ITGB2: variants seen among roughly 807,000 people sequenced by gnomAD.
ITGB2 encodes the protein integrin beta-2.
ITGB2 carries 56 observed loss-of-function variants against 86.8 expected under a neutral mutation model. The ratio of observed to expected loss-of-function variants is 0.65; its 90% confidence interval spans 0.52 to 0.81. The LOEUF is 0.81. Among genes scored for constraint, ITGB2 ranks in the 30% least tolerant of loss-of-function variants. The pLI is 0.00. For synonymous variants in ITGB2, 457 were observed against 450.4 expected, an observed-to-expected ratio of 1.01 and a Z score of -0.19; for missense variants, 948 against 1,061.2, an observed-to-expected ratio of 0.89 and a Z score of 1.48.
In ITGB2 at chr21:44,893,460, C is replaced by T; in HGVS notation, c.1168G>A (p.Val390Met). The stretch of plus-strand genomic sequence containing the variant: ...CCTCTGGGCTGGTTCCTGTGCGTCA[C>T]TCCATTGCTGCAGAAGGAGTCGTAG... The part of the protein sequence containing the change: ...VTYDSFCSNG[V>M]THRNQPRGDC... The change falls in exon 10 of 16, where the codon GTG becomes ATG. Residue 390 changes from valine (V) to methionine (M), a missense_variant. Coordinates refer to ENST00000652462, the MANE Select transcript of ITGB2 (RefSeq NM_000211.5). 2 of 1,614,208 alleles carry T rather than the reference C, an allele frequency of 1.2e-6. No homozygotes were observed. The highest frequency in any genetic ancestry group is 2.2e-5 in the South Asian group (2 of 91,088).
intron 6 of ITGB2, 140 bp from the exon 7 acceptor site, chr21:44,900,615 C>T (rs1795718439): frequency 3.9e-6 from 4 of 1,020,516 alleles, no homozygotes; most frequent in South Asian, 1.5e-5. Flanking sequence ...TCTCAGGGAC[C>T]CAGCTGTGTT....
At chr21:44,924,445 CAACA>C (rs1371042136), upstream of ITGB2, among the ~76,000 whole-genome samples, 3 of 151,972 alleles carry the variant, frequency 2.0e-5, no homozygotes, top group African/African-American at 7.2e-5. Context: ...ACAAAAACAA[CAACA>C]AACAAACAAG....
intron 1 of ITGB2, among the ~76,000 whole-genome samples, chr21:44,911,814 G>C (rs766186346): frequency 1.3e-5 from 2 of 152,158 alleles, no homozygotes; most frequent in Non-Finnish European, 2.9e-5. Context: ...GCACCTCCTA[G>C]CGGGCAGCAG....
At chr21:44,898,573 G>A (rs2083902021) in intron 8 of ITGB2, among the ~76,000 whole-genome samples, 2 of 152,202 alleles carry the variant, frequency 1.3e-5, no homozygotes, top group African/African-American at 2.4e-5. Context: ...CACTAGCAGC[G>A]GAAATGCAGG....
chr21:44,919,236 G>C (rs1037970148), intron 1 of ITGB2, among the ~76,000 whole-genome samples: 1 of 152,184 alleles, frequency 6.6e-6, no homozygotes, highest in African/African-American at 2.4e-5. Flanking sequence ...GGCGGGGACT[G>C]GCCCTGGGGC....
In ITGB2 at chr21:44,903,662, C is replaced by T. The variant is rs1601310787; in HGVS notation, c.329-127G>A. 7 of 1,072,978 alleles carry T rather than the reference C, an allele frequency of 6.5e-6. No individual in the cohort carries two copies. In the East Asian group the frequency reaches 1.0e-4, roughly 16 times the overall value. 66.5% of individuals were successfully genotyped at this position (1,072,978 alleles called of 1,614,324 possible). Reference sequence around the variant, plus strand: ...CCAGCCCCCAAATCCTCCTGACCTCCCCTCTCCCCGCCTGGCAGGAGAGCT... The same window carrying T: ...CCAGCCCCCAAATCCTCCTGACCTCTCCTCTCCCCGCCTGGCAGGAGAGCT... On this transcript the variant is annotated intron_variant, in intron 4 of 15. Coordinates refer to ENST00000652462, the MANE Select transcript of ITGB2 (RefSeq NM_000211.5).
intron 1 of ITGB2, among the ~76,000 whole-genome samples, chr21:44,926,626 G>A (rs994158891): frequency 1.3e-5 from 2 of 152,190 alleles, no homozygotes; most frequent in South Asian, 4.1e-4. Context: ...GGAGTCAGGT[G>A]GGCGAAACTG....
chr21:44,916,747 A>G lies in ITGB2; in HGVS notation c.-4+4074T>C, dbSNP rs139719339. On this transcript the variant is annotated intron_variant, in intron 1 of 15. Coordinates refer to ENST00000652462, the MANE Select transcript of ITGB2 (RefSeq NM_000211.5). ...GCTGGGCTTGGTGGCGGGCGCCTGTAATCCCAGCTACTCGCGAGGCTGAGG... is the reference window on the plus strand; with the variant it reads ...GCTGGGCTTGGTGGCGGGCGCCTGTGATCCCAGCTACTCGCGAGGCTGAGG... Among the ~76,000 whole-genome samples the G allele has an allele frequency of 6.5e-4, 99 of 152,100 alleles. 2 individuals carry two copies. The East Asian group carries it at 0.018, about 28-fold the overall frequency.
chr21:44,908,000 T>G (rs1289796225), intron 3 of ITGB2: 1 of 713,354 alleles, frequency 1.4e-6, no homozygotes, highest in South Asian at 1.5e-5. Context: ...CACTGAAAGG[T>G]GTTTATTTCA....
At chr21:44,897,962 G>A (rs1025364135) in intron 8 of ITGB2, among the ~76,000 whole-genome samples, 10 of 152,158 alleles carry the variant, frequency 6.6e-5, no homozygotes, top group African/African-American at 2.2e-4. Flanking sequence ...AGGCCTGGCT[G>A]GCCACACCCC....
Position 44,901,618 on chromosome 21 carries a change from C to A in ITGB2, c.615G>T (p.Arg205Ser). 6.2e-7 allele frequency: 1 copy of A among 1,614,260 alleles called. No individual in the cohort carries two copies. The highest frequency in any genetic ancestry group is 2.2e-5 in the East Asian group (1 of 44,888). The change falls in exon 6 of 16, where the codon AGG becomes AGT. Residue 205 changes from arginine (R) to serine (S), a missense_variant. Physicochemically the swap from Arg to Ser is moderately radical, Grantham distance 110 (BLOSUM62 -1). Coordinates refer to ENST00000652462, the MANE Select transcript of ITGB2 (RefSeq NM_000211.5). ...AGTTGTTGGTCAGCTTCAGCACGTG[C>A]CTGAAGGCAAACGGGGGCTGGCACT... ...EKECQPPFAFRHVLKLTNNSN... is the reference protein window; with the variant it reads ...EKECQPPFAFSHVLKLTNNSN...
intron 4 of ITGB2, 99 bp from the exon 5 acceptor site, chr21:44,903,634 C>T: frequency 7.2e-7 from 1 of 1,396,426 alleles, no homozygotes. Flanking sequence ...GGCACCCTCT[C>T]CTCCAGCCCC....
chr21:44,888,639 G>A, intron 14 of ITGB2, 54 bp downstream of exon 14: 1 of 1,579,822 alleles, frequency 6.3e-7, no homozygotes, highest in South Asian at 1.1e-5. Flanking sequence ...CCTCTGCGGA[G>A]ACCCCGCAGC....
intron 1 of ITGB2, among the ~76,000 whole-genome samples, chr21:44,919,413 T>G (rs1367822877): frequency 6.6e-6 from 1 of 152,014 alleles, no homozygotes; most frequent in African/African-American, 2.4e-5. Flanking sequence ...AGTTCCTTCC[T>G]AAAATGTGGA....
rs751106857 is a variant in ITGB2, at chr21:44,889,363, C to T, written c.1790G>A (p.Arg597His). The change falls in exon 13 of 16, where the codon CGC (arginine) becomes CAC (histidine). Residue 597 changes from arginine to histidine, a missense_variant. By Grantham distance (29) the Arg-to-His change is conservative. Transcript: ENST00000652462. The stretch of plus-strand genomic sequence containing the variant: ...TGAATGGCACTCGCATACGTTGCAG[C>T]GGCACCGGCCACGACCACTACACTC... ...RVECSGRGRC[R>H]CNVCECHSGY... 4.0e-5 allele frequency: 64 copies of T among 1,612,710 alleles called. No homozygotes were observed. The highest frequency in any genetic ancestry group is 1.5e-4 in the Admixed American group (9 of 60,000).
intron 1 of ITGB2, among the ~76,000 whole-genome samples, chr21:44,916,951 A>G (rs1008473268): frequency 2.6e-5 from 4 of 152,216 alleles, no homozygotes; most frequent in African/African-American, 9.6e-5. Context: ...AACAAATTGC[A>G]TAGAGGAAAT....
intron 6 of ITGB2, among the ~76,000 whole-genome samples, 159 bp from the exon 7 acceptor site, chr21:44,900,634 CGCCACGCCCAGGAGGAG>C (rs1449753961): frequency 1.4e-5 from 2 of 148,082 alleles, no homozygotes; most frequent in African/African-American, 2.4e-5. Context: ...TTCCCCCAGA[CGCCACGCCCAGGAGGAG>C]ACAACGGCCC....
At chr21:44,905,761 T>C (rs1174969151) in intron 4 of ITGB2, among the ~76,000 whole-genome samples, 1 of 152,122 alleles carries the variant, frequency 6.6e-6, no homozygotes, top group Admixed American at 6.5e-5. Flanking sequence ...GCCCTGCTCC[T>C]GCAGGACCTC....
At chr21:44,889,019 AG>A (rs1601281634) in intron 13 of ITGB2, 124 bp from the exon 14 acceptor site, 1 of 780,358 alleles carries the variant, frequency 1.3e-6, no homozygotes, top group Non-Finnish European at 2.1e-6. Context: ...CAGGCCAAGG[AG>A]GGGGCCCAAG....
Sources: allele counts gnomAD v4.1 joint callset (sites outside exome capture counted in the v4.1 genomes callset), GRCh38; gene constraint gnomAD v4.1.1; transcripts MANE v1.5; gene names NCBI Gene and HGNC (gene_info 2026-07-23, HGNC 2026-07-21).